The following MAP2 variants were observed in gnomAD, a reference collection of about 807,000 sequenced individuals.
The protein encoded by MAP2 is microtubule associated protein 2.
MAP2 carries 14 observed loss-of-function variants against 137.6 expected under a neutral mutation model. The ratio of observed to expected loss-of-function variants is 0.10; its 90% CI spans 0.07 to 0.16. The LOEUF (loss-of-function observed/expected upper bound fraction) is 0.16, where lower values mean the gene tolerates loss of function less well. Ranked by LOEUF, MAP2 falls within the 10% of genes least tolerant of loss-of-function variation. MAP2 has a pLI of 1.00. For synonymous variants in MAP2, 786 were observed against 782.3 expected, an observed-to-expected ratio of 1.00 and a Z score of -0.08; for missense variants, 2,088 against 2,191.5, an observed-to-expected ratio of 0.95 and a Z score of 0.94.
chr2:209,581,280 TG>T (rs1431833897), intron 3 of MAP2, among the ~76,000 whole-genome samples: 1 of 152,206 alleles, frequency 6.6e-6, no homozygotes, highest in Admixed American at 6.5e-5. Flanking sequence ...AAGGGGTAGA[TG>T]ACACTGTCCT....
Position 209,696,719 on chromosome 2 carries a change from T to C in MAP2, c.4358T>C (p.Val1453Ala), listed in dbSNP as rs766265464. 1.1e-5 allele frequency: 17 copies of C among 1,611,740 alleles called. No individual in the cohort carries two copies. The highest frequency in any genetic ancestry group is 1.4e-5 in the Non-Finnish European group (17 of 1,179,494). ...RKVAKKEPSTVSRDEVRRKKA... is the reference protein window; with the variant it reads ...RKVAKKEPSTASRDEVRRKKA... Reference sequence around the variant, plus strand: ...GTAGCTAAAAAGGAACCTAGCACAGTCTCCAGAGATGAAGTGAGAAGGAAA... The same window carrying C: ...GTAGCTAAAAAGGAACCTAGCACAGCCTCCAGAGATGAAGTGAGAAGGAAA... The change falls in exon 9 of 16, where the codon GTC (valine) becomes GCC (alanine). Residue 1453 changes from valine to alanine, a missense_variant. Val to Ala is a moderately conservative substitution (Grantham distance 64). Coordinates refer to ENST00000682079, the MANE Select transcript of MAP2 (RefSeq NM_001375505.1).
chr2:209,450,170 G>A (rs764806209), intron 1 of MAP2, among the ~76,000 whole-genome samples: 16 of 152,060 alleles, frequency 1.1e-4, no homozygotes, highest in Non-Finnish European at 1.6e-4. Context: ...TTGAACTCCC[G>A]ACCTCAAGTA....
chr2:209,653,533 T>C (rs913556263), intron 5 of MAP2, 101 bp downstream of exon 5: 1 of 1,196,900 alleles, frequency 8.4e-7, no homozygotes, highest in African/African-American at 1.5e-5. Context: ...CTTTCACTAG[T>C]GCTAGGACTG....
rs146308288 is a variant in MAP2 at position 209,493,783 on chromosome 2, A to G, written c.-221-13809A>G. Among the ~76,000 whole-genome samples, 939 of 152,330 alleles carry G rather than the reference A, an allele frequency of 6.2e-3. 8 individuals carry two copies. The highest frequency in any genetic ancestry group is 0.021 in the African/African-American group (882 of 41,564). ...GTGATCATTAAAAAGTCAGGAAACA[A>G]TAGATGCTGGAGAGGACATAGAGAA... is the stretch of plus-strand genomic sequence containing the variant. On this transcript the variant is annotated intron_variant, in intron 1 of 15. Coordinates refer to ENST00000682079, the MANE Select transcript of MAP2 (RefSeq NM_001375505.1).
intron 2 of MAP2, among the ~76,000 whole-genome samples, chr2:209,516,948 T>A (rs1360822416): frequency 6.6e-6 from 1 of 152,154 alleles, no homozygotes; most frequent in African/African-American, 2.4e-5. Flanking sequence ...GGCACTTCAA[T>A]GGAGTGAAAT....
chr2:209,715,093 GTTATA>G (rs1311951937), intron 13 of MAP2, among the ~76,000 whole-genome samples: 3 of 151,874 alleles, frequency 2.0e-5, no homozygotes, highest in Non-Finnish European at 2.9e-5. Flanking sequence ...TAAAATACAT[GTTATA>G]TTAATATACT....
intron 5 of MAP2, among the ~76,000 whole-genome samples, chr2:209,676,371 C>T (rs999113435): frequency 1.3e-5 from 2 of 151,722 alleles, no homozygotes; most frequent in Non-Finnish European, 2.9e-5. Context: ...GAACAACACA[C>T]ACTGGGGCCT....
At chr2:209,597,737 G>A (rs1559380076) in intron 3 of MAP2, among the ~76,000 whole-genome samples, 1 of 151,574 alleles carries the variant, frequency 6.6e-6, no homozygotes. Context: ...TGCATTTTTT[G>A]TTTTTTTTGT....
At chr2:209,546,233 T>A (rs2068040060) in intron 2 of MAP2, among the ~76,000 whole-genome samples, 1 of 152,236 alleles carries the variant, frequency 6.6e-6, no homozygotes. Flanking sequence ...TGTATGGATG[T>A]TTTTATATAT....
intron 1 of MAP2, among the ~76,000 whole-genome samples, chr2:209,436,276 A>C (rs1181322871): frequency 6.6e-6 from 1 of 151,440 alleles, no homozygotes; most frequent in Non-Finnish European, 1.5e-5. Context: ...AAGACGTATT[A>C]ATATTTTTAT....
chr2:209,609,025 G>C (rs1464339382), intron 3 of MAP2, among the ~76,000 whole-genome samples: 4 of 151,848 alleles, frequency 2.6e-5, no homozygotes, highest in Non-Finnish European at 5.9e-5. Flanking sequence ...TTTCTTCTGT[G>C]CTCTCACCCT....
chr2:209,713,722 C>G (rs574496194), intron 13 of MAP2, among the ~76,000 whole-genome samples: 1 of 152,312 alleles, frequency 6.6e-6, no homozygotes, highest in South Asian at 2.1e-4. Flanking sequence ...CAAGCAATTT[C>G]TCTAAACACG....
chr2:209,661,154 T>G (rs535487391), intron 5 of MAP2, among the ~76,000 whole-genome samples: 2 of 152,320 alleles, frequency 1.3e-5, no homozygotes, highest in East Asian at 3.9e-4. Flanking sequence ...GTTCTGCTTT[T>G]CAATCTCAGA....
chr2:209,468,522 A>G (rs1473441426), intron 1 of MAP2, among the ~76,000 whole-genome samples: 1 of 151,508 alleles, frequency 6.6e-6, no homozygotes, highest in Non-Finnish European at 1.5e-5. Context: ...AGGTTTCACC[A>G]TGTTAGCCAG....
chr2:209,454,054 G>A (rs1314843400), intron 1 of MAP2, among the ~76,000 whole-genome samples: 2 of 150,154 alleles, frequency 1.3e-5, no homozygotes, highest in Non-Finnish European at 3.0e-5. Flanking sequence ...CGGAGGCTGA[G>A]GCAGGAGAAT....
chr2:209,698,792 G>T (rs1454797751), intron 10 of MAP2, among the ~76,000 whole-genome samples: 1 of 152,126 alleles, frequency 6.6e-6, no homozygotes, highest in Non-Finnish European at 1.5e-5. Flanking sequence ...AAACTTAATA[G>T]CAAATTAATA....
At chr2:209,674,512 T>C (rs1156606113) in intron 5 of MAP2, among the ~76,000 whole-genome samples, 1 of 151,734 alleles carries the variant, frequency 6.6e-6, no homozygotes, top group Non-Finnish European at 1.5e-5. Context: ...AACTAGAAAG[T>C]AGCAATGCTG....
chr2:209,431,994 G>C (rs1283015456), intron 1 of MAP2, among the ~76,000 whole-genome samples: 1 of 152,152 alleles, frequency 6.6e-6, no homozygotes, highest in Non-Finnish European at 1.5e-5. Context: ...AAACTCTGGG[G>C]ATGTGTGCCC....
intron 2 of MAP2, chr2:209,579,790 C>T (rs2075989028): frequency 1.3e-5 from 2 of 152,128 alleles, no homozygotes; most frequent in Admixed American, 6.5e-5. Context: ...TATTTCGTTT[C>T]ATTTTCAATT....
Sources: gnomAD v4.1 joint callset for allele counts (sites outside exome capture counted in the v4.1 genomes callset) on GRCh38, gnomAD v4.1.1 for gene constraint, MANE v1.5 for transcripts, NCBI Gene and HGNC (gene_info 2026-07-23, HGNC 2026-07-21) for gene names.